HMG20A: variants seen among roughly 807,000 people sequenced by gnomAD.
The protein encoded by HMG20A is high mobility group 20A.
In HMG20A, 17 loss-of-function variants were observed where a neutral mutation model predicts 43.9. That is an observed-to-expected ratio of 0.39 (90% CI 0.27 to 0.58). HMG20A has a LOEUF of 0.58. HMG20A is among the 20% of genes least tolerant of loss of function. The pLI is 0.59. For missense variants in HMG20A, 341 were observed against 438.2 expected, an observed-to-expected ratio of 0.78 and a Z score of 1.98; for synonymous variants, 132 against 147.5, an observed-to-expected ratio of 0.89 and a Z score of 0.76.
intron 1 of HMG20A, among the ~76,000 whole-genome samples, chr15:77,422,720 G>A (rs1425178050): frequency 6.6e-6 from 1 of 152,076 alleles, no homozygotes; most frequent in Non-Finnish European, 1.5e-5. Flanking sequence ...ATCTTCTGTG[G>A]TCACTTTTAA....
chr15:77,428,249 C>G (rs2073446484), intron 1 of HMG20A, among the ~76,000 whole-genome samples: 2 of 152,152 alleles, frequency 1.3e-5, no homozygotes, highest in Middle Eastern at 3.2e-3. Flanking sequence ...CCTACTACCC[C>G]AAAATCTGTG....
At chr15:77,468,040 G>T (rs972970960) in intron 4 of HMG20A, among the ~76,000 whole-genome samples, 2 of 152,146 alleles carry the variant, frequency 1.3e-5, no homozygotes, top group African/African-American at 4.8e-5. Flanking sequence ...AAGGATTCCA[G>T]ACACACTAAA....
chr15:77,490,287 C>CA (rs2072965782), downstream of HMG20A, among the ~76,000 whole-genome samples: 1 of 151,722 alleles, frequency 6.6e-6, no homozygotes, highest in Non-Finnish European at 1.5e-5. Context: ...GACTCTGTCT[C>CA]AAAAAATAAA....
At position 77,470,965 on chromosome 15, in the gene HMG20A, A is replaced by T. The variant is rs773013786; in HGVS notation, c.506A>T (p.Gln169Leu). The change falls in exon 5 of 10, where the codon CAG becomes CTG. Residue 169 changes from glutamine (Q) to leucine (L), a missense_variant. By Grantham distance (113) the Gln-to-Leu change is moderately radical. Coordinates refer to ENST00000336216, the MANE Select transcript of HMG20A (RefSeq NM_001304504.2). ...GAGCGTTACATGAAGGAACTGGAAC[A>T]GTATCAGAAAACAGAGGCCTACAAG... ...DKERYMKELE[Q>L]YQKTEAYKVF... The T allele has an allele frequency of 1.2e-6, 2 of 1,613,090 alleles. No homozygotes were observed. Among genetic ancestry groups the T allele is most frequent in the Non-Finnish European group, 1.7e-6 (2 of 1,179,608 alleles).
intron 1 of HMG20A, among the ~76,000 whole-genome samples, chr15:77,436,120 G>A (rs2073545127): frequency 6.6e-6 from 1 of 152,170 alleles, no homozygotes; most frequent in Non-Finnish European, 1.5e-5. Flanking sequence ...AAATGAACAT[G>A]TCTAATCTTA....
Position 77,420,938 on chromosome 15 carries a change from G to C in HMG20A, c.-71G>C, listed in dbSNP as rs1173923156. 6 of 398,580 alleles carry C rather than the reference G, an allele frequency of 1.5e-5. No homozygotes were observed. The highest frequency in any genetic ancestry group is 1.2e-4 in the African/African-American group (6 of 48,640). 24.7% of individuals were successfully genotyped at this position (398,580 alleles called of 1,614,324 possible). ...GTGAAGGCGATTGAGAGGGGCTGAG[G>C]GAATTGTCCTCTGTGGAAGGGACTT... On this transcript the variant is annotated 5_prime_UTR_variant, in exon 1 of 10. Transcript: ENST00000336216.
intron 4 of HMG20A, among the ~76,000 whole-genome samples, chr15:77,468,087 A>G (rs1418460752): frequency 6.6e-6 from 1 of 152,236 alleles, no homozygotes. Context: ...AATTAATTGA[A>G]TTCAGAAATT....
At chr15:77,456,956 G>C (rs1177827593) in intron 1 of HMG20A, among the ~76,000 whole-genome samples, 1 of 152,182 alleles carries the variant, frequency 6.6e-6, no homozygotes, top group Non-Finnish European at 1.5e-5. Context: ...ACTGAAAAGA[G>C]GTTGCAAGCA....
At chr15:77,506,144 C>A in the HMG20A span, among the ~76,000 whole-genome samples, 1 of 141,840 alleles carries the variant, frequency 7.1e-6, no homozygotes, top group Non-Finnish European at 1.6e-5. Flanking sequence ...TTCAGATAAA[C>A]AACAAATAAT....
intron 1 of HMG20A, among the ~76,000 whole-genome samples, chr15:77,452,672 A>C (rs928077521): frequency 6.6e-6 from 1 of 152,188 alleles, no homozygotes; most frequent in Non-Finnish European, 1.5e-5. Flanking sequence ...ATAAGGGTAA[A>C]TCTTCACAAC....
At chr15:77,489,729 G>A (rs757275349), downstream of HMG20A, among the ~76,000 whole-genome samples, 37 of 152,312 alleles carry the variant, frequency 2.4e-4, no homozygotes, top group South Asian at 1.9e-3. Flanking sequence ...GAGCCAGCCC[G>A]GTGAAGGGCT....
At chr15:77,467,449 T>G in intron 4 of HMG20A, 142 bp downstream of exon 4, 2 of 678,592 alleles carry the variant, frequency 2.9e-6, no homozygotes, top group Non-Finnish European at 5.0e-6. Flanking sequence ...GGGTCCATCA[T>G]AGCAATTTTC....
the HMG20A span, among the ~76,000 whole-genome samples, chr15:77,491,068 T>C: frequency 5.2e-3 from 793 of 152,382 alleles, 9 homozygotes; most frequent in Middle Eastern, 0.017. Context: ...CATCTGCATT[T>C]GTTTAAGATT....
rs544995186 is a variant in HMG20A, at chr15:77,471,673, G to C, written c.584-110G>C. On this transcript the variant is annotated intron_variant, in intron 5 of 9. Transcript: ENST00000336216. ...CTTAAGGAAAAATATCATATGTTAT[G>C]AGAATCTACATATACAAGCAGGTTT... 1.0e-3 allele frequency: 725 copies of C among 708,278 alleles called. 2 individuals are homozygous for C. The highest frequency in any genetic ancestry group is 2.2e-3 in the Middle Eastern group (6 of 2,708). 43.9% of individuals were successfully genotyped at this position (708,278 alleles called of 1,614,324 possible). A position where few individuals can be genotyped will look rare whatever the true frequency, so the allele number is the denominator to read the frequency against.
the HMG20A span, among the ~76,000 whole-genome samples, chr15:77,508,451 A>G: frequency 6.6e-6 from 1 of 152,230 alleles, no homozygotes; most frequent in African/African-American, 2.4e-5. Context: ...AGCTCTATGA[A>G]TAGTGAGTGT....
chr15:77,501,828 C>A, the HMG20A span, among the ~76,000 whole-genome samples: 1 of 152,172 alleles, frequency 6.6e-6, no homozygotes, highest in Non-Finnish European at 1.5e-5. Context: ...AGGGAAGGTG[C>A]CTTAGAAGAG....
intron 1 of HMG20A, among the ~76,000 whole-genome samples, chr15:77,449,270 A>G (rs1353597695): frequency 6.6e-6 from 1 of 151,320 alleles, no homozygotes; most frequent in Non-Finnish European, 1.5e-5. Flanking sequence ...GTACTTAATT[A>G]CTCCTAAATT....
chr15:77,468,023 T>G (rs1203189391), intron 4 of HMG20A, among the ~76,000 whole-genome samples: 1 of 152,222 alleles, frequency 6.6e-6, no homozygotes, highest in Non-Finnish European at 1.5e-5. Context: ...GACTTACACT[T>G]TTTAAAAAGG....
the HMG20A span, among the ~76,000 whole-genome samples, chr15:77,516,992 C>T: frequency 5.3e-5 from 8 of 152,188 alleles, no homozygotes; most frequent in African/African-American, 1.4e-4. Context: ...CTCACCGTCC[C>T]GCACATGTCA....
Sources: allele counts gnomAD v4.1 joint callset (sites outside exome capture counted in the v4.1 genomes callset), GRCh38; gene constraint gnomAD v4.1.1; transcripts MANE v1.5; gene names NCBI Gene and HGNC (gene_info 2026-07-23, HGNC 2026-07-21).